The following ZNF536 variants were observed in gnomAD, a reference collection of about 807,000 sequenced individuals.
ZNF536 encodes the protein zinc finger protein 536.
In ZNF536, 13 loss-of-function variants were observed where a neutral mutation model predicts 84.5. The observed-to-expected ratio is 0.15, with a 90% CI of 0.10 to 0.24. The LOEUF (loss-of-function observed/expected upper bound fraction) is 0.24. Ranked by LOEUF, ZNF536 falls within the 10% of genes least tolerant of loss-of-function variation. ZNF536 has a pLI of 1.00. For missense variants in ZNF536, 1,536 were observed against 1,747.5 expected, an observed-to-expected ratio of 0.88 and a Z score of 2.16; for synonymous variants, 811 against 742.5, an observed-to-expected ratio of 1.09 and a Z score of -1.50.
chr19:30,269,023 G>A (rs1432296035), intron 1 of ZNF536, among the ~76,000 whole-genome samples: 3 of 152,236 alleles, frequency 2.0e-5, no homozygotes, highest in Non-Finnish European at 4.4e-5. Context: ...TACAATGCAA[G>A]TCCCGCTCAG....
intron 1 of ZNF536, among the ~76,000 whole-genome samples, chr19:30,573,725 C>A (rs2046632498): frequency 1.3e-5 from 2 of 152,124 alleles, no homozygotes; most frequent in African/African-American, 2.4e-5. Context: ...TTTTGATGGC[C>A]ATACACAACA....
intron 1 of ZNF536, among the ~76,000 whole-genome samples, chr19:30,407,783 C>T (rs911244509): frequency 6.6e-6 from 1 of 152,220 alleles, no homozygotes; most frequent in Non-Finnish European, 1.5e-5. Flanking sequence ...TATTCTTCTG[C>T]ACCCTTCTTG....
At chr19:30,520,670 G>A (rs901124277) in intron 2 of ZNF536, among the ~76,000 whole-genome samples, 1 of 152,116 alleles carries the variant, frequency 6.6e-6, no homozygotes, top group Non-Finnish European at 1.5e-5. Flanking sequence ...GCAGGGGGAG[G>A]GGCTGACCAT....
rs922986883 is a variant in ZNF536 at position 30,548,018 on chromosome 19, G to A, written c.2399G>A (p.Arg800Gln). 1 of 1,613,276 alleles carries A rather than the reference G, an allele frequency of 6.2e-7. No homozygotes were observed. Among genetic ancestry groups the A allele is most frequent in the Non-Finnish European group, 8.5e-7 (1 of 1,179,672 alleles). Residue 800 changes from arginine (R) to glutamine (Q), a missense_variant, in exon 4 of 5, where the codon CGA becomes CAA. Arg to Gln is a conservative substitution (Grantham distance 43, BLOSUM62 1). Around this residue, in one of 8 missense-constraint regions of ZNF536, gnomAD observed 148 missense variants for 205.4 expected, o/e 0.72. Coordinates refer to ENST00000355537, the MANE Select transcript of ZNF536 (RefSeq NM_014717.3). Reference sequence around the variant, plus strand: ...GCATCCTTAAAATACCACTTAGAGCGACACCATCGGGAGCGGCAGAACGGG... The same window carrying A: ...GCATCCTTAAAATACCACTTAGAGCAACACCATCGGGAGCGGCAGAACGGG... ...QSASLKYHLE[R>Q]HHRERQNGAG...
At chr19:30,711,907 T>G (rs556141607) in exon 2 of ZNF536, 2 of 152,154 alleles carry the variant, frequency 1.3e-5, no homozygotes, top group East Asian at 3.8e-4. Flanking sequence ...AGAAAGATTT[T>G]TTTACTATGA....
At chr19:30,442,032 G>A (rs777205314) in intron 1 of ZNF536, among the ~76,000 whole-genome samples, 1 of 152,226 alleles carries the variant, frequency 6.6e-6, no homozygotes, top group Non-Finnish European at 1.5e-5. Flanking sequence ...AATCAGTCCC[G>A]GCTGGGGTTA....
At chr19:30,639,969 G>A (rs2049205540) in intron 1 of ZNF536, among the ~76,000 whole-genome samples, 1 of 152,204 alleles carries the variant, frequency 6.6e-6, no homozygotes, top group African/African-American at 2.4e-5. Flanking sequence ...TACTGGCCAG[G>A]TGCTGTGGCT....
At chr19:30,685,902 G>A (rs975940051) in intron 1 of ZNF536, among the ~76,000 whole-genome samples, 2 of 152,198 alleles carry the variant, frequency 1.3e-5, no homozygotes, top group East Asian at 3.9e-4. Context: ...CAGGCTACAT[G>A]AGCATTTGCG....
At chr19:30,650,287 G>A (rs1330238852) in intron 1 of ZNF536, among the ~76,000 whole-genome samples, 2 of 152,172 alleles carry the variant, frequency 1.3e-5, no homozygotes, top group Non-Finnish European at 2.9e-5. Flanking sequence ...CCCTGACCCC[G>A]TTTGAAAGTA....
At chr19:30,659,949 A>AGG (rs1568645721) in intron 1 of ZNF536, among the ~76,000 whole-genome samples, 2 of 88,654 alleles carry the variant, frequency 2.3e-5, no homozygotes, top group African/African-American at 1.4e-4. Flanking sequence ...TGTTTGACAC[A>AGG]AGGGTGTGTG....
At chr19:30,690,174 C>T (rs995375357) in intron 1 of ZNF536, among the ~76,000 whole-genome samples, 4 of 152,192 alleles carry the variant, frequency 2.6e-5, no homozygotes, top group South Asian at 2.1e-4. Flanking sequence ...ACTGGGCGCA[C>T]GGCTTTGTTA....
At chr19:30,684,061 G>C (rs931321283) in intron 1 of ZNF536, among the ~76,000 whole-genome samples, 11 of 151,788 alleles carry the variant, frequency 7.2e-5, no homozygotes, top group African/African-American at 2.4e-4. Flanking sequence ...TATCTTTCCT[G>C]TCCTGCATTT....
chr19:30,346,802 A>G (rs2047757961), intron 2 of ZNF536, among the ~76,000 whole-genome samples: 1 of 152,238 alleles, frequency 6.6e-6, no homozygotes, highest in Non-Finnish European at 1.5e-5. Flanking sequence ...GCTGCAATGA[A>G]CATACGCATA....
intron 1 of ZNF536, among the ~76,000 whole-genome samples, chr19:30,437,588 C>T (rs557541118): frequency 2.0e-3 from 298 of 148,546 alleles, no homozygotes; most frequent in Admixed American, 3.5e-3. Context: ...TCCACACTGT[C>T]GTGAAGAATC....
chr19:30,282,831 A>G (rs2045498905), intron 1 of ZNF536, among the ~76,000 whole-genome samples: 1 of 152,242 alleles, frequency 6.6e-6, no homozygotes, highest in Non-Finnish European at 1.5e-5. Flanking sequence ...AGAGACAGAC[A>G]GACAGACACT....
chr19:30,344,677 T>TC, intron 2 of ZNF536, among the ~76,000 whole-genome samples: 1 of 23,350 alleles, frequency 4.3e-5, no homozygotes, highest in East Asian at 4.5e-3. Flanking sequence ...AGGCAGGCCA[T>TC]TTTTTTTTAA....
intron 3 of ZNF536, among the ~76,000 whole-genome samples, chr19:30,540,520 G>A (rs10409999): frequency 5.3e-5 from 8 of 151,994 alleles, no homozygotes; most frequent in African/African-American, 1.9e-4. Context: ...GCATTAACTC[G>A]CTCCTTCATC....
At position 30,444,504 on chromosome 19, in the gene ZNF536, G is replaced by A. The variant is rs2148186506; in HGVS notation, c.942G>A (p.Glu314=). The A allele has an allele frequency of 6.2e-7, 1 of 1,612,058 alleles. No homozygotes were observed. The highest frequency in any genetic ancestry group is 8.5e-7 in the Non-Finnish European group (1 of 1,179,776). The change falls in exon 2 of 5, where the codon GAG becomes GAA. Residue 314 remains glutamate, a synonymous_variant. Coordinates refer to ENST00000355537, the MANE Select transcript of ZNF536 (RefSeq NM_014717.3). ...ACTTCGCGGCTTCGCAGGAGGAGGA[G>A]CTCATCAGCCACGTGGAGAAGGCAC... ...LCDFAASQEE[E]LISHVEKAHI...
At chr19:30,368,678 A>G (rs2048516207), upstream of ZNF536, among the ~76,000 whole-genome samples, 1 of 152,266 alleles carries the variant, frequency 6.6e-6, no homozygotes, top group African/African-American at 2.4e-5. Context: ...CATGTGAGCC[A>G]CACAAGTTAT....
Sources: gnomAD v4.1 joint callset for allele counts (sites outside exome capture counted in the v4.1 genomes callset) on GRCh38, gnomAD v4.1.1 for gene constraint, gnomAD v4.1.1 regional missense constraint, MANE v1.5 for transcripts, NCBI Gene and HGNC (gene_info 2026-07-23, HGNC 2026-07-21) for gene names.